NEK10: variants seen among roughly 807,000 people sequenced by gnomAD.
NEK10 encodes serine/threonine-protein kinase Nek10.
NEK10 carries 122 observed loss-of-function variants against 159.8 expected under a neutral mutation model. That is an observed-to-expected ratio of 0.76 (90% CI 0.66 to 0.89). NEK10 has a LOEUF of 0.89. NEK10 is among the 40% of genes least tolerant of loss of function. The pLI, the probability that NEK10 is intolerant of heterozygous loss-of-function variation, is 0.00. For missense variants in NEK10, 1,342 were observed against 1,323.1 expected (o/e 1.01, Z -0.22); for synonymous variants, 466 against 457.1 (o/e 1.02, Z -0.25).
intron 35 of NEK10, among the ~76,000 whole-genome samples, chr3:27,112,291 T>C (rs1939683748): frequency 6.6e-6 from 1 of 152,174 alleles, no homozygotes; most frequent in African/African-American, 2.4e-5. Context: ...TAACTAAATA[T>C]AAACCCTATA....
intron 11 of NEK10, among the ~76,000 whole-genome samples, chr3:27,305,388 G>A (rs540677002): frequency 1.3e-5 from 2 of 152,128 alleles, no homozygotes; most frequent in South Asian, 4.1e-4. Flanking sequence ...GCAGGGCGTG[G>A]TGGTGTGTGC....
At chr3:27,152,876 A>G (rs1015341765) in intron 30 of NEK10, among the ~76,000 whole-genome samples, 2 of 152,084 alleles carry the variant, frequency 1.3e-5, no homozygotes, top group Non-Finnish European at 2.9e-5. Flanking sequence ...TATATCAGAC[A>G]AAAAAAACTT....
intron 31 of NEK10, among the ~76,000 whole-genome samples, chr3:27,136,857 G>C (rs141666842): frequency 4.7e-4 from 71 of 152,312 alleles, no homozygotes; most frequent in African/African-American, 1.6e-3. Flanking sequence ...TCATCTGCTG[G>C]TTGTCAGGAG....
intron 1 of NEK10, among the ~76,000 whole-genome samples, chr3:27,353,898 C>G (rs552688592): frequency 8.0e-4 from 122 of 152,006 alleles, no homozygotes; most frequent in Admixed American, 3.4e-3. Flanking sequence ...TATTTTTACT[C>G]TAAAAGAAAG....
intron 23 of NEK10, among the ~76,000 whole-genome samples, chr3:27,232,344 T>C (rs1040082446): frequency 4.6e-5 from 7 of 151,824 alleles, no homozygotes; most frequent in Non-Finnish European, 7.4e-5. Context: ...TACTTAGGAA[T>C]ATACTTAACC....
At chr3:27,147,560 G>T (rs1036366765) in intron 30 of NEK10, among the ~76,000 whole-genome samples, 1 of 152,188 alleles carries the variant, frequency 6.6e-6, no homozygotes, top group Non-Finnish European at 1.5e-5. Context: ...CTGTTTAAAG[G>T]CCAGAGGCAA....
At chr3:27,138,684 T>C (rs1332449564) in intron 31 of NEK10, among the ~76,000 whole-genome samples, 1 of 152,202 alleles carries the variant, frequency 6.6e-6, no homozygotes, top group Non-Finnish European at 1.5e-5. Context: ...CCCATACAGA[T>C]AGGATTTGGG....
At chr3:27,227,938 C>G (rs1952809143) in intron 23 of NEK10, among the ~76,000 whole-genome samples, 1 of 152,108 alleles carries the variant, frequency 6.6e-6, no homozygotes, top group African/African-American at 2.4e-5. Context: ...CAAGTTAAAG[C>G]AGATCTTGTT....
intron 22 of NEK10, among the ~76,000 whole-genome samples, chr3:27,261,384 A>C (rs1458352510): frequency 2.6e-5 from 4 of 152,272 alleles, no homozygotes; most frequent in Non-Finnish European, 4.4e-5. Context: ...CCCTCTACAC[A>C]CTGCTTTGAA....
At chr3:27,358,861 T>C (rs543023565) in intron 1 of NEK10, among the ~76,000 whole-genome samples, 2 of 152,316 alleles carry the variant, frequency 1.3e-5, no homozygotes, top group African/African-American at 4.8e-5. Flanking sequence ...TCTTTGTAAA[T>C]ACTCCATTTT....
Position 27,284,236 on chromosome 3 carries a change from T to G in NEK10, c.2014+366A>C, listed in dbSNP as rs2042409634. Among the ~76,000 whole-genome samples the G allele has an allele frequency of 2.6e-5, 4 of 151,822 alleles. No individual in the cohort carries two copies. The South Asian group carries it at 8.3e-4, about 32-fold the overall frequency. On this transcript the variant is annotated intron_variant, in intron 22 of 35. Coordinates refer to ENST00000691995, the MANE Select transcript of NEK10 (RefSeq NM_001394966.1). ...CCCTGTCTCTACTAAAAATACAAAATTAGGTGGGCATGGTGGCGGGTGCCC... is the reference window on the plus strand; with the variant it reads ...CCCTGTCTCTACTAAAAATACAAAAGTAGGTGGGCATGGTGGCGGGTGCCC...
At chr3:27,289,701 G>GA (rs2042864385) in intron 19 of NEK10, among the ~76,000 whole-genome samples, 1 of 152,152 alleles carries the variant, frequency 6.6e-6, no homozygotes. Context: ...GTGCTACAAT[G>GA]AAAGAGCACA....
intron 31 of NEK10, among the ~76,000 whole-genome samples, chr3:27,138,459 G>C (rs1277897093): frequency 6.6e-6 from 1 of 152,134 alleles, no homozygotes; most frequent in East Asian, 1.9e-4. Context: ...TTCTATATTT[G>C]TTCCTTTCTT....
chr3:27,258,543 T>A (rs950030839), intron 22 of NEK10, among the ~76,000 whole-genome samples: 6 of 152,178 alleles, frequency 3.9e-5, no homozygotes, highest in African/African-American at 1.2e-4. Context: ...TCCAAAGACA[T>A]GAATTCATCA....
At chr3:27,305,046 T>G in intron 11 of NEK10, 75 bp from the exon 12 acceptor site, 1 of 870,358 alleles carries the variant, frequency 1.1e-6, no homozygotes, top group Non-Finnish European at 1.8e-6. Context: ...ACTAAAGCTA[T>G]CATCAGTGCA....
At chr3:27,243,075 G>C (rs1954722543) in intron 23 of NEK10, among the ~76,000 whole-genome samples, 1 of 152,104 alleles carries the variant, frequency 6.6e-6, no homozygotes, top group African/African-American at 2.4e-5. Context: ...TCTCCAAAGA[G>C]ACGCTTGAAT....
At chr3:27,229,838 A>C (rs1324031859) in intron 23 of NEK10, among the ~76,000 whole-genome samples, 1 of 152,094 alleles carries the variant, frequency 6.6e-6, no homozygotes, top group Non-Finnish European at 1.5e-5. Context: ...AAAGACTCAA[A>C]AGACATGAAC....
chr3:27,247,420 A>G (rs1955183595), intron 23 of NEK10, among the ~76,000 whole-genome samples: 1 of 152,236 alleles, frequency 6.6e-6, no homozygotes, highest in Admixed American at 6.5e-5. Context: ...GATACAATGT[A>G]TCACATTGAT....
chr3:27,192,121 G>C lies in NEK10; in HGVS notation c.2413C>G (p.Leu805Val), dbSNP rs1430524826. Residue 805 changes from leucine (L) to valine (V), a missense_variant, in exon 26 of 36, where the codon CTA (leucine) becomes GTA (valine). Physicochemically the swap from Leu to Val is conservative, Grantham distance 32. Transcript: ENST00000691995. ...TGTGTGCGTCTTCGTTCCCGTTCTA[G>C]CTTCTTTTCCAAGGACAACTGGGAT... ...STSQLSLEKK[L>V]ERERRRTQRY... 1.9e-6 allele frequency: 3 copies of C among 1,614,142 alleles called. No homozygotes were observed. The highest frequency in any genetic ancestry group is 2.5e-6 in the Non-Finnish European group (3 of 1,180,006).
Sources: gnomAD v4.1 joint callset for allele counts (sites outside exome capture counted in the v4.1 genomes callset) on GRCh38, gnomAD v4.1.1 for gene constraint, MANE v1.5 for transcripts, NCBI Gene and HGNC (gene_info 2026-07-23, HGNC 2026-07-21) for gene names.